MTTP: variants seen among roughly 807,000 people sequenced by gnomAD.
The protein encoded by MTTP is microsomal triglyceride transfer protein large subunit.
Under a neutral mutation model 90.6 loss-of-function variants are expected in MTTP, and 49 were observed. The ratio of observed to expected loss-of-function variants is 0.54; its 90% CI spans 0.43 to 0.69. The LOEUF is 0.69. Ranked by LOEUF, MTTP falls within the 30% of genes least tolerant of loss-of-function variation. The pLI, the probability that MTTP is intolerant of heterozygous loss-of-function variation, is 0.00. For missense variants in MTTP, 945 were observed against 1,067.5 expected (o/e 0.89, Z 1.60); for synonymous variants, 347 against 384.2 (o/e 0.90, Z 1.13).
In MTTP at chr4:99,604,489, G is replaced by A. The variant is rs150871120; in HGVS notation, c.1345-2259G>A. On this transcript the variant is annotated intron_variant, in intron 10 of 17. Coordinates refer to ENST00000265517, the MANE Select transcript of MTTP (RefSeq NM_001386140.1). ...AATAGTACAATTCCATGAACACCCA[G>A]ATATCTTTCATCTAGATTCATCAGT... Among the ~76,000 whole-genome samples, 1,470 of 152,204 alleles carry A rather than the reference G, an allele frequency of 9.7e-3. 28 individuals are homozygous for A. Among genetic ancestry groups the A allele is most frequent in the African/African-American group, 0.034 (1,398 of 41,532 alleles).
rs534336503 is a variant in MTTP at position 99,598,134 on chromosome 4, TA to T, written c.1067+916del. ...ATTTATTTACTTGCCTTAAGGACAT[TA>T]AAAAATTGATAGGAATTCCAAATGA... On this transcript the variant is annotated intron_variant, in intron 8 of 17. Coordinates refer to ENST00000265517, the MANE Select transcript of MTTP (RefSeq NM_001386140.1). 4.7e-3 allele frequency among the ~76,000 whole-genome samples: 712 copies of T among 152,262 alleles called. 6 individuals carry two copies. Among genetic ancestry groups the T allele is most frequent in the Non-Finnish European group, 7.0e-3 (476 of 68,012 alleles).
chr4:99,598,640 C>A (rs983750353), intron 8 of MTTP, among the ~76,000 whole-genome samples: 7 of 145,108 alleles, frequency 4.8e-5, no homozygotes, highest in African/African-American at 1.8e-4. Context: ...AACAGTATAT[C>A]CTTCAAGGAA....
At chr4:99,585,372 T>C (rs1236913299) in intron 3 of MTTP, among the ~76,000 whole-genome samples, 3 of 151,960 alleles carry the variant, frequency 2.0e-5, no homozygotes, top group African/African-American at 7.2e-5. Flanking sequence ...GGTGGTGGAG[T>C]TGGGACTTGA....
At chr4:99,579,466 A>C (rs1018345190) in intron 1 of MTTP, among the ~76,000 whole-genome samples, 1 of 152,142 alleles carries the variant, frequency 6.6e-6, no homozygotes, top group Admixed American at 6.5e-5. Flanking sequence ...TAGAAAGGGT[A>C]GGAGTTGGGG....
chr4:99,592,914 C>T (rs1213955481), intron 6 of MTTP, among the ~76,000 whole-genome samples: 2 of 152,132 alleles, frequency 1.3e-5, no homozygotes, highest in African/African-American at 2.4e-5. Context: ...ACGTGCTATA[C>T]TTTTATATAA....
Position 99,583,528 on chromosome 4 carries a change from G to A in MTTP, c.393+11G>A, listed in dbSNP as rs367982075. On this transcript the variant is annotated intron_variant, in intron 3 of 17. Transcript: ENST00000265517. ...CTAATCCATGGAAAGGTAAAGGGGC[G>A]TTTAGATTCCACAACTTTTTCTCCA... 1.0e-4 allele frequency: 169 copies of A among 1,613,318 alleles called. No individual in the cohort carries two copies. The highest frequency in any genetic ancestry group is 2.9e-4 in the South Asian group (26 of 91,068).
chr4:99,613,216 GGAGGA>G, intron 15 of MTTP, 76 bp downstream of exon 15: 1 of 1,335,212 alleles, frequency 7.5e-7, no homozygotes, highest in Non-Finnish European at 1.0e-6. Flanking sequence ...CTTAGTTCTT[GGAGGA>G]TACAAGACAA....
rs144600401 is a variant in MTTP, at chr4:99,622,820, C to T, written c.2657C>T (p.Pro886Leu). 829 of 1,614,082 alleles carry T rather than the reference C, an allele frequency of 5.1e-4. 1 individual carries two copies. Among genetic ancestry groups the T allele is most frequent in the Middle Eastern group, 3.1e-3 (19 of 6,062 alleles). ...TGCAAAGTGGTGTTTGCCCCTCAGC[C>T]GGATAGTACTTCCAGCGGATGGTTT... ...EMCKVVFAPQPDSTSSGWF is the reference protein window; with the variant it reads ...EMCKVVFAPQLDSTSSGWF Residue 886 changes from proline (P) to leucine (L), a missense_variant, in exon 18 of 18, where the codon CCG (proline) becomes CTG (leucine). Coordinates refer to ENST00000265517, the MANE Select transcript of MTTP (RefSeq NM_001386140.1).
chr4:99,575,487 A>T (rs1724933865), intron 1 of MTTP, among the ~76,000 whole-genome samples: 2 of 152,244 alleles, frequency 1.3e-5, no homozygotes, highest in African/African-American at 4.8e-5. Flanking sequence ...CGTTACAATT[A>T]AAAAATGATA....
intron 15 of MTTP, among the ~76,000 whole-genome samples, chr4:99,614,063 T>C (rs773251977): frequency 6.6e-6 from 1 of 152,230 alleles, no homozygotes; most frequent in African/African-American, 2.4e-5. Flanking sequence ...ATATTGAGAA[T>C]ATATAAGGAG....
At chr4:99,569,530 T>C (rs1724787671) in intron 1 of MTTP, among the ~76,000 whole-genome samples, 1 of 152,036 alleles carries the variant, frequency 6.6e-6, no homozygotes, top group Admixed American at 6.6e-5. Flanking sequence ...GAAATCTTTG[T>C]GTTATTTTAG....
At chr4:99,591,190 GC>G in intron 4 of MTTP, 44 bp from the exon 5 acceptor site, 1 of 1,383,046 alleles carries the variant, frequency 7.2e-7, no homozygotes, top group East Asian at 2.3e-5. Context: ...AATTCAAATG[GC>G]CCACAAGGAA....
intron 15 of MTTP, among the ~76,000 whole-genome samples, chr4:99,618,130 ACT>A (rs546152115): frequency 2.2e-4 from 34 of 152,314 alleles, no homozygotes; most frequent in Middle Eastern, 6.8e-3. Flanking sequence ...TAGCATTTAC[ACT>A]GTATTAGGTA....
chr4:99,599,176 C>T (rs1725637945), intron 8 of MTTP, among the ~76,000 whole-genome samples: 1 of 152,212 alleles, frequency 6.6e-6, no homozygotes, highest in Admixed American at 6.5e-5. Context: ...GTTTGCAAAA[C>T]TGGATGAAAC....
At position 99,606,860 on chromosome 4, in the gene MTTP, T is replaced by C; in HGVS notation, c.1457T>C (p.Ile486Thr). Residue 486 changes from isoleucine to threonine, a missense_variant, in exon 11 of 18, where the codon ATC becomes ACC. Ile to Thr is a moderately conservative substitution (Grantham distance 89). Transcript: ENST00000265517. ...AAGAATGCCCTGCTTCCAGAAGGCA[T>C]CCCAAGTCTTCTGAAGTATGCAGAA... Reference protein sequence around the residue: ...ALKNALLPEGIPSLLKYAEAG... With the variant: ...ALKNALLPEGTPSLLKYAEAG... 3.7e-6 allele frequency: 6 copies of C among 1,614,074 alleles called. No individual in the cohort carries two copies. Among genetic ancestry groups the C allele is most frequent in the Non-Finnish European group, 5.1e-6 (6 of 1,179,996 alleles).
chr4:99,608,991 C>T lies in MTTP; in HGVS notation c.1769+14C>T, dbSNP rs41275713. 0.036 allele frequency: 57,073 copies of T among 1,601,294 alleles called. 1,172 individuals are homozygous for T. The highest frequency in any genetic ancestry group is 0.053 in the African/African-American group (3,935 of 74,666). On this transcript the variant is annotated intron_variant, in intron 12 of 17. Transcript: ENST00000265517. Reference sequence around the variant, plus strand: ...AATGCCTGCAAGGTATAATACATTGCACATGTCTCTCTGTGTATTCAAGCT... The same window carrying T: ...AATGCCTGCAAGGTATAATACATTGTACATGTCTCTCTGTGTATTCAAGCT...
rs1228842084 is a variant in MTTP at position 99,608,780 on chromosome 4, A to C, written c.1572A>C (p.Leu524Phe). 1 of 1,613,960 alleles carries C rather than the reference A, an allele frequency of 6.2e-7. No individual in the cohort carries two copies. Among genetic ancestry groups the C allele is most frequent in the Non-Finnish European group, 8.5e-7 (1 of 1,179,814 alleles). Residue 524 changes from leucine (L) to phenylalanine (F), a missense_variant, in exon 12 of 18, where the codon TTA becomes TTC. Physicochemically the swap from Leu to Phe is conservative, Grantham distance 22 (BLOSUM62 0). Coordinates refer to ENST00000265517, the MANE Select transcript of MTTP (RefSeq NM_001386140.1). The stretch of plus-strand genomic sequence containing the variant: ...CTTATGAACAGGTGAAGAAGACCTT[A>C]AACAGAATATACCACCAAAACCGTA... ...PFITDEVKKT[L>F]NRIYHQNRKV...
At chr4:99,621,538 TA>T (rs906856626) in intron 17 of MTTP, among the ~76,000 whole-genome samples, 3 of 151,996 alleles carry the variant, frequency 2.0e-5, no homozygotes, top group African/African-American at 2.4e-5. Flanking sequence ...CATAGTTTCA[TA>T]AAAAAAATCA....
Position 99,611,462 on chromosome 4 carries a change from C to A in MTTP, c.1989+9C>A. 1 of 1,613,926 alleles carries A rather than the reference C, an allele frequency of 6.2e-7. No individual in the cohort carries two copies. Among genetic ancestry groups the A allele is most frequent in the Non-Finnish European group, 8.5e-7 (1 of 1,179,858 alleles). ...GTCTTCACGGTAGCCAGGTAACTCA[C>A]TTCTCATGGATTTTGCTTAATAAAG... On this transcript the variant is annotated intron_variant, in intron 14 of 17. Transcript: ENST00000265517.
Sources: allele counts gnomAD v4.1 joint callset (sites outside exome capture counted in the v4.1 genomes callset), GRCh38; gene constraint gnomAD v4.1.1; transcripts MANE v1.5; gene names NCBI Gene and HGNC (gene_info 2026-07-23, HGNC 2026-07-21).